The following ADAMTSL1 variants were observed in gnomAD, a reference collection of about 807,000 sequenced individuals.
ADAMTSL1 encodes ADAMTS like 1.
ADAMTSL1 carries 126 observed loss-of-function variants against 201.8 expected under a neutral mutation model. The ratio of observed to expected loss-of-function variants is 0.62; its 90% CI spans 0.54 to 0.72. The LOEUF (loss-of-function observed/expected upper bound fraction) is 0.72. Ranked by LOEUF, ADAMTSL1 falls within the 30% of genes least tolerant of loss-of-function variation. ADAMTSL1 has a pLI of 0.00. For missense variants in ADAMTSL1, 2,679 were observed against 2,277.8 expected, an observed-to-expected ratio of 1.18 and a Z score of -3.59; for synonymous variants, 1,121 against 903.4, an observed-to-expected ratio of 1.24 and a Z score of -4.32.
chr9:18,478,894 G>C (rs1261309913), intron 1 of ADAMTSL1, among the ~76,000 whole-genome samples: 1 of 152,146 alleles, frequency 6.6e-6, no homozygotes, highest in Non-Finnish European at 1.5e-5. Flanking sequence ...GTTTTCACCA[G>C]AATGAGACAA....
chr9:18,201,056 C>A (rs554333702), intron 2 of ADAMTSL1, among the ~76,000 whole-genome samples: 1 of 152,046 alleles, frequency 6.6e-6, no homozygotes, highest in South Asian at 2.1e-4. Context: ...TGGAAAAATT[C>A]CTGATTGGGT....
intron 5 of ADAMTSL1, among the ~76,000 whole-genome samples, chr9:18,626,295 G>T (rs185215239): frequency 6.6e-6 from 1 of 152,296 alleles, no homozygotes; most frequent in Non-Finnish European, 1.5e-5. Context: ...GGTATAGGCT[G>T]CCAGCCACAG....
chr9:18,012,866 T>C (rs973832273), intron 1 of ADAMTSL1, among the ~76,000 whole-genome samples: 91 of 152,008 alleles, frequency 6.0e-4, no homozygotes, highest in Non-Finnish European at 4.6e-4. Flanking sequence ...ACTTAATGTG[T>C]ATAATGTAAA....
intron 1 of ADAMTSL1, among the ~76,000 whole-genome samples, chr9:18,023,166 G>A (rs552716629): frequency 1.1e-4 from 17 of 152,070 alleles, no homozygotes; most frequent in African/African-American, 2.6e-4. Flanking sequence ...GTATGTCTGC[G>A]AAAGAGCAAT....
At chr9:18,763,784 G>A (rs1159149709) in intron 16 of ADAMTSL1, among the ~76,000 whole-genome samples, 1 of 152,086 alleles carries the variant, frequency 6.6e-6, no homozygotes, top group African/African-American at 2.4e-5. Context: ...TGTTGAAAAT[G>A]AGTTCACTGT....
chr9:18,342,149 T>C, intron 2 of ADAMTSL1, among the ~76,000 whole-genome samples: 1 of 152,146 alleles, frequency 6.6e-6, no homozygotes, highest in African/African-American at 2.4e-5. Flanking sequence ...ATTTTTCTTC[T>C]CCCAGTGTCT....
At position 18,886,191 on chromosome 9, in the gene ADAMTSL1, TATATATATATATATATATATAC is replaced by T. The variant is rs1563888183; in HGVS notation, c.4250-1638_4250-1617del. Among the ~76,000 whole-genome samples, 1,031 of 130,786 alleles carry T rather than the reference TATATATATATATATATATATAC, an allele frequency of 7.9e-3. 17 individuals are homozygous for T. The highest frequency in any genetic ancestry group is 0.022 in the African/African-American group (776 of 34,924). The allele number at this position is 130,786 out of a possible 152,430, so 85.8% of individuals were successfully genotyped here. On this transcript the variant is annotated intron_variant, in intron 23 of 28. Transcript: ENST00000380548. ...GTATATATATATATATATATATATA[TATATATATATATATATATATAC>T]ACACACATACATATACATACATACA... is the stretch of plus-strand genomic sequence containing the variant.
In ADAMTSL1 at chr9:18,531,360, T is replaced by C. The variant is rs553898977; in HGVS notation, c.192-1887T>C. ...CAGTAAGGTCAGCATGAGTCATCTA[T>C]GTGGAGATTGCAGCAGTCTTGTCAA... On this transcript the variant is annotated intron_variant, in intron 2 of 28. Transcript: ENST00000380548. 7.9e-5 allele frequency among the ~76,000 whole-genome samples: 12 copies of C among 152,328 alleles called. No individual in the cohort carries two copies. In the South Asian group the frequency reaches 2.5e-3, roughly 32 times the overall value.
At chr9:18,848,758 C>T (rs1165689264) in intron 23 of ADAMTSL1, among the ~76,000 whole-genome samples, 1 of 152,196 alleles carries the variant, frequency 6.6e-6, no homozygotes, top group Admixed American at 6.5e-5. Flanking sequence ...GGCTATAAGG[C>T]CCCTGTTGCG....
rs529999194 is a variant in ADAMTSL1 at position 18,778,137 on chromosome 9, A to C, written c.3677+231A>C. On this transcript the variant is annotated intron_variant, in intron 19 of 28. Transcript: ENST00000380548. ...GTTCTCATCTTTATAAGGAAATAGC[A>C]ACATTGCCTACCCACTCCTATCCCT... Among the ~76,000 whole-genome samples the C allele has an allele frequency of 2.0e-5, 3 of 152,258 alleles. No homozygotes were observed. In the South Asian group the frequency reaches 6.2e-4, roughly 31 times the overall value.
intron 1 of ADAMTSL1, among the ~76,000 whole-genome samples, chr9:17,914,411 T>G (rs202050132): frequency 6.6e-6 from 1 of 151,966 alleles, no homozygotes; most frequent in Admixed American, 6.6e-5. Flanking sequence ...ACAGAACCAA[T>G]GACAAAAACC....
intron 2 of ADAMTSL1, among the ~76,000 whole-genome samples, chr9:18,226,983 C>T (rs1363318175): frequency 1.3e-5 from 2 of 152,074 alleles, no homozygotes; most frequent in African/African-American, 4.8e-5. Context: ...TGAATGCATT[C>T]CTGTTTGCAC....
chr9:18,052,483 G>A (rs1388471983), intron 1 of ADAMTSL1, among the ~76,000 whole-genome samples: 1 of 152,150 alleles, frequency 6.6e-6, no homozygotes, highest in African/African-American at 2.4e-5. Context: ...TGAAGCCGCT[G>A]AGAGTGGACG....
At chr9:18,692,706 GA>G (rs1831304685) in intron 13 of ADAMTSL1, among the ~76,000 whole-genome samples, 1 of 152,180 alleles carries the variant, frequency 6.6e-6, no homozygotes, top group Non-Finnish European at 1.5e-5. Flanking sequence ...AATGGTACAT[GA>G]AAAGTATTGA....
chr9:18,274,232 T>C (rs77590732), intron 2 of ADAMTSL1, among the ~76,000 whole-genome samples: 17,362 of 152,266 alleles, frequency 0.11, 1,118 homozygotes, highest in Middle Eastern at 0.2. Context: ...CATGGTTTAT[T>C]TGATGCATTC....
At chr9:18,295,667 C>G (rs769485239) in intron 2 of ADAMTSL1, among the ~76,000 whole-genome samples, 1 of 152,114 alleles carries the variant, frequency 6.6e-6, no homozygotes, top group Non-Finnish European at 1.5e-5. Context: ...ACTTTTGTGT[C>G]TTCATTCCCT....
chr9:18,173,259 C>A (rs1827985201), intron 2 of ADAMTSL1, among the ~76,000 whole-genome samples: 1 of 152,074 alleles, frequency 6.6e-6, no homozygotes, highest in Non-Finnish European at 1.5e-5. Flanking sequence ...TGGAAAATCA[C>A]TGAAACATAA....
intron 1 of ADAMTSL1, among the ~76,000 whole-genome samples, chr9:18,096,519 T>G (rs1196622594): frequency 6.6e-6 from 1 of 152,194 alleles, no homozygotes; most frequent in African/African-American, 2.4e-5. Context: ...TGGTGGAGAT[T>G]CCTGCCATAT....
At chr9:17,940,753 C>G (rs563959148) in intron 1 of ADAMTSL1, among the ~76,000 whole-genome samples, 1 of 143,948 alleles carries the variant, frequency 6.9e-6, no homozygotes, top group African/African-American at 2.6e-5. Flanking sequence ...AAATGAGACC[C>G]TAACTCGAAA....
Sources: gnomAD v4.1 joint callset for allele counts (sites outside exome capture counted in the v4.1 genomes callset) on GRCh38, gnomAD v4.1.1 for gene constraint, MANE v1.5 for transcripts, NCBI Gene and HGNC (gene_info 2026-07-23, HGNC 2026-07-21) for gene names.